COBL: variants seen among roughly 807,000 people sequenced by gnomAD.
The protein encoded by COBL is cordon-bleu WH2 repeat protein, also known as protein cordon-bleu.
COBL carries 51 observed loss-of-function variants against 98.8 expected under a neutral mutation model. The ratio of observed to expected loss-of-function variants is 0.52; its 90% CI spans 0.41 to 0.65. The LOEUF is 0.65. Among genes scored for constraint, COBL ranks in the 30% least tolerant of loss-of-function variants. The pLI, the probability that COBL is intolerant of heterozygous loss-of-function variation, is 0.00. For missense variants in COBL, 1,617 were observed against 1,617.5 expected, an observed-to-expected ratio of 1.00 and a Z score of 0.01; for synonymous variants, 634 against 651.7, an observed-to-expected ratio of 0.97 and a Z score of 0.41.
At chr7:51,087,776 G>A (rs945788568) in intron 6 of COBL, among the ~76,000 whole-genome samples, 4 of 114,366 alleles carry the variant, frequency 3.5e-5, no homozygotes, top group Admixed American at 9.7e-5. Flanking sequence ...GCCCGGCCCC[G>A]CCTTTTTTTT....
chr7:51,214,655 G>A (rs776122764), intron 2 of COBL, among the ~76,000 whole-genome samples: 5 of 152,164 alleles, frequency 3.3e-5, no homozygotes, highest in Non-Finnish European at 7.3e-5. Context: ...CAATCAACAT[G>A]TACCCTGGGG....
Position 51,316,705 on chromosome 7 carries a change from T to G in COBL, c.-72A>C. On this transcript the variant is annotated 5_prime_UTR_variant, in exon 1 of 13. Transcript: ENST00000265136. ...AGGCGCTGGCTACCGCCGCCACCGC[T>G]GCCGCCCTCATTCACTTTTTCCGCG... 1 of 1,096,822 alleles carries G rather than the reference T, an allele frequency of 9.1e-7. No individual in the cohort carries two copies. The highest frequency in any genetic ancestry group is 4.5e-5 in the South Asian group (1 of 22,248). The allele number at this position is 1,096,822 out of a possible 1,614,324, so 67.9% of individuals were successfully genotyped here.
intron 9 of COBL, 55 bp from the exon 10 acceptor site, chr7:51,029,646 G>C: frequency 7.1e-7 from 1 of 1,416,454 alleles, no homozygotes; most frequent in South Asian, 1.4e-5. Context: ...ATTACTTAGT[G>C]TAACTGCAGC....
chr7:51,030,111 G>A (rs1162037174), intron 9 of COBL, among the ~76,000 whole-genome samples: 1 of 152,214 alleles, frequency 6.6e-6, no homozygotes, highest in African/African-American at 2.4e-5. Flanking sequence ...CACTATGGCT[G>A]ATTCAAATTT....
intron 1 of COBL, among the ~76,000 whole-genome samples, chr7:51,315,440 T>C (rs1803456447): frequency 6.6e-6 from 1 of 152,200 alleles, no homozygotes; most frequent in Non-Finnish European, 1.5e-5. Context: ...TATGGGCACA[T>C]GGGCAGGGTG....
At position 51,027,923 on chromosome 7, in the gene COBL, G is replaced by C; in HGVS notation, c.3173C>G (p.Thr1058Arg). The change falls in exon 10 of 13, where the codon ACA becomes AGA. Residue 1058 changes from threonine to arginine, a missense_variant. Thr to Arg is a moderately conservative substitution (Grantham distance 71). Coordinates refer to ENST00000265136, the MANE Select transcript of COBL (RefSeq NM_015198.5). ...TCTTTCTAGGAGAATGTGGCTTTCTGTGCCAGACCCTCCTGGAGGGTGGGA... is the reference window on the plus strand; with the variant it reads ...TCTTTCTAGGAGAATGTGGCTTTCTCTGCCAGACCCTCCTGGAGGGTGGGA... Reference protein sequence around the residue: ...EPSHPPGGSGTESHILLEREE... With the variant: ...EPSHPPGGSGRESHILLEREE... 2 of 1,614,010 alleles carry C rather than the reference G, an allele frequency of 1.2e-6. No homozygotes were observed. Among genetic ancestry groups the C allele is most frequent in the Non-Finnish European group, 1.7e-6 (2 of 1,179,950 alleles).
chr7:51,245,466 T>C (rs1241251750), intron 1 of COBL, among the ~76,000 whole-genome samples: 1 of 152,238 alleles, frequency 6.6e-6, no homozygotes, highest in African/African-American at 2.4e-5. Context: ...CCTTCCTCCC[T>C]TGGATTGGAC....
chr7:51,137,039 T>C (rs1799300352), intron 5 of COBL, among the ~76,000 whole-genome samples: 1 of 152,166 alleles, frequency 6.6e-6, no homozygotes, highest in African/African-American at 2.4e-5. Context: ...AATAGAATCA[T>C]GTAAGTGCTA....
intron 6 of COBL, among the ~76,000 whole-genome samples, chr7:51,086,632 GA>G (rs1794281158): frequency 2.3e-5 from 1 of 43,024 alleles, no homozygotes; most frequent in African/African-American, 1.1e-4. Flanking sequence ...ATGAGAGGGA[GA>G]GAGAGAGAGA....
intron 7 of COBL, among the ~76,000 whole-genome samples, chr7:51,075,232 C>A (rs1254379590): frequency 6.6e-6 from 1 of 152,150 alleles, no homozygotes; most frequent in South Asian, 2.1e-4. Flanking sequence ...TATTACATTT[C>A]CCAATCACTG....
intron 2 of COBL, among the ~76,000 whole-genome samples, chr7:51,212,237 G>T (rs1393127518): frequency 6.6e-6 from 1 of 151,836 alleles, no homozygotes; most frequent in Admixed American, 6.6e-5. Context: ...AAATTTTTTT[G>T]AGTCAGTGAC....
At chr7:51,070,323 A>G (rs961822034) in intron 7 of COBL, among the ~76,000 whole-genome samples, 4 of 151,100 alleles carry the variant, frequency 2.6e-5, no homozygotes, top group African/African-American at 9.7e-5. Flanking sequence ...GTGACTAATA[A>G]GGTGCAAAAG....
chr7:51,122,444 G>A (rs1307112086), intron 6 of COBL, among the ~76,000 whole-genome samples: 1 of 152,162 alleles, frequency 6.6e-6, no homozygotes. Context: ...CAGGATGGGA[G>A]GAGGCAGCTG....
chr7:51,138,093 G>T (rs961248370), intron 5 of COBL, among the ~76,000 whole-genome samples: 1 of 152,072 alleles, frequency 6.6e-6, no homozygotes, highest in South Asian at 2.1e-4. Context: ...TGCTTTTTAC[G>T]CCATTAGTGC....
rs117149689 is a variant in COBL, at chr7:51,083,233, A to G, written c.1096+1933T>C. On this transcript the variant is annotated intron_variant, in intron 7 of 12. Coordinates refer to ENST00000265136, the MANE Select transcript of COBL (RefSeq NM_015198.5). ...GTGGCACCTGCCGTCCACCACCTATATGGAATCAACAGGGAGTTACTTCAG... is the reference window on the plus strand; with the variant it reads ...GTGGCACCTGCCGTCCACCACCTATGTGGAATCAACAGGGAGTTACTTCAG... The G allele has an allele frequency of 9.1e-5, 132 of 1,449,052 alleles. 1 individual carries two copies. Among genetic ancestry groups the G allele is most frequent in the Non-Finnish European group, 1.1e-4 (126 of 1,109,470 alleles). The allele number at this position is 1,449,052 out of a possible 1,614,324, so 89.8% of individuals were successfully genotyped here.
chr7:51,086,334 G>T (rs1374820758), intron 6 of COBL, among the ~76,000 whole-genome samples: 2 of 139,130 alleles, frequency 1.4e-5, no homozygotes, highest in Non-Finnish European at 3.0e-5. Flanking sequence ...TCCAGCCTGG[G>T]TGATGTAGCA....
chr7:51,260,527 G>A (rs1232387539), intron 1 of COBL, among the ~76,000 whole-genome samples: 1 of 152,228 alleles, frequency 6.6e-6, no homozygotes, highest in Non-Finnish European at 1.5e-5. Flanking sequence ...AAGACACCAA[G>A]GCTTGTGCCA....
intron 1 of COBL, among the ~76,000 whole-genome samples, chr7:51,237,608 T>C (rs1016007889): frequency 6.6e-6 from 1 of 151,922 alleles, no homozygotes; most frequent in Admixed American, 6.6e-5. Context: ...GTCTACATTT[T>C]TGCCACTAGC....
chr7:51,154,559 C>A (rs370531692), intron 5 of COBL, among the ~76,000 whole-genome samples: 1 of 152,190 alleles, frequency 6.6e-6, no homozygotes, highest in South Asian at 2.1e-4. Context: ...CTTTCATCAG[C>A]CTCTGTACGA....
Sources: allele counts gnomAD v4.1 joint callset (sites outside exome capture counted in the v4.1 genomes callset), GRCh38; gene constraint gnomAD v4.1.1; transcripts MANE v1.5; gene names NCBI Gene and HGNC (gene_info 2026-07-23, HGNC 2026-07-21).